MYO7B: variants seen among roughly 807,000 people sequenced by gnomAD.
The protein encoded by MYO7B is unconventional myosin-VIIb.
Under a neutral mutation model 259.7 loss-of-function variants are expected in MYO7B, and 212 were observed. The ratio of observed to expected loss-of-function variants is 0.82; its 90% CI spans 0.73 to 0.91. MYO7B has a LOEUF of 0.91. Ranked by LOEUF, MYO7B falls within the 40% of genes least tolerant of loss-of-function variation. The pLI is 0.00. For missense variants in MYO7B, 2,732 were observed against 2,813.5 expected (o/e 0.97, Z 0.66); for synonymous variants, 1,197 against 1,166.4 (o/e 1.03, Z -0.54).
chr2:127,568,241 G>A (rs1014129290), intron 5 of MYO7B, among the ~76,000 whole-genome samples: 1 of 152,236 alleles, frequency 6.6e-6, no homozygotes, highest in African/African-American at 2.4e-5. Context: ...GAGCTGGGCC[G>A]CAGGCTGGCT....
chr2:127,537,506 A>G (rs1391963333), intron 1 of MYO7B, among the ~76,000 whole-genome samples: 1 of 152,184 alleles, frequency 6.6e-6, no homozygotes, highest in Non-Finnish European at 1.5e-5. Flanking sequence ...GAAGAGCCAG[A>G]ATCTTAGCAC....
chr2:127,557,432 T>C (rs1476849298), intron 1 of MYO7B, among the ~76,000 whole-genome samples: 2 of 152,186 alleles, frequency 1.3e-5, no homozygotes, highest in Non-Finnish European at 2.9e-5. Flanking sequence ...TTTGGACCCA[T>C]TGCTGGTGAG....
In MYO7B at chr2:127,631,589, G is replaced by T; in HGVS notation, c.5096-11G>T. 2 of 1,612,524 alleles carry T rather than the reference G, an allele frequency of 1.2e-6. No homozygotes were observed. The highest frequency in any genetic ancestry group is 2.2e-5 in the South Asian group (2 of 91,022). ...GGGCTGCCCCAGCACTGTGCTCCTT[G>T]ACAGCCACACCCATCCTCCGGTACA... On this transcript the variant is annotated splice_polypyrimidine_tract_variant and intron_variant, in intron 37 of 47. Transcript: ENST00000409816.
intron 22 of MYO7B, 73 bp downstream of exon 22, chr2:127,608,951 C>A: frequency 6.6e-7 from 1 of 1,523,196 alleles, no homozygotes; most frequent in Non-Finnish European, 8.9e-7. Flanking sequence ...TGAACTCAGT[C>A]CACCTCTCGG....
At chr2:127,593,486 G>A in intron 17 of MYO7B, 60 bp from the exon 18 acceptor site, 1 of 1,515,812 alleles carries the variant, frequency 6.6e-7, no homozygotes, top group Non-Finnish European at 9.0e-7. Flanking sequence ...ACCACCCCCA[G>A]AGAGCCGCCG....
intron 31 of MYO7B, chr2:127,625,868 T>G: frequency 4.0e-6 from 1 of 249,350 alleles, no homozygotes; most frequent in Non-Finnish European, 7.6e-6. Flanking sequence ...GACCATACCA[T>G]GGCCTTGGGG....
chr2:127,558,924 A>G (rs898086563), intron 1 of MYO7B, among the ~76,000 whole-genome samples: 1 of 152,228 alleles, frequency 6.6e-6, no homozygotes, highest in Non-Finnish European at 1.5e-5. Flanking sequence ...ATGAAAGACT[A>G]CAAATTGGGT....
At position 127,628,070 on chromosome 2, in the gene MYO7B, A is replaced by G. The variant is rs747312211; in HGVS notation, c.4461-302A>G. On this transcript the variant is annotated intron_variant, in intron 33 of 47. Coordinates refer to ENST00000409816, the MANE Select transcript of MYO7B (RefSeq NM_001393586.1). This position sits in a 1 kb window ranked among gnomAD's most constrained non-coding sequence, Gnocchi z 4.8. ...AAGCACATGGCAGAGCCGGCAGCTC[A>G]TCTCAGCTCTGACCTTTGCAGTGTC... 1.7e-6 allele frequency: 1 copy of G among 580,586 alleles called. No individual in the cohort carries two copies. Among genetic ancestry groups the G allele is most frequent in the African/African-American group, 1.8e-5 (1 of 54,256 alleles). The allele number at this position is 580,586 out of a possible 1,614,324, so 36.0% of individuals were successfully genotyped here.
intron 11 of MYO7B, 128 bp downstream of exon 11, chr2:127,582,138 C>T (rs1035791982): frequency 6.7e-7 from 1 of 1,500,700 alleles, no homozygotes; most frequent in African/African-American, 1.4e-5. Context: ...AGTCACCTGC[C>T]TGGTGACCAT....
At position 127,578,161 on chromosome 2, in the gene MYO7B, A is replaced by G. The variant is rs1346584676; in HGVS notation, c.878A>G (p.Asn293Ser). The change falls in exon 9 of 48, where the codon AAC becomes AGC. Residue 293 changes from asparagine to serine, a missense_variant. Asn to Ser is a conservative substitution (Grantham distance 46). Coordinates refer to ENST00000409816, the MANE Select transcript of MYO7B (RefSeq NM_001393586.1). Reference protein sequence around the residue: ...MGNCTSCEGLNDAKDYAHIRS... With the variant: ...MGNCTSCEGLSDAKDYAHIRS... The stretch of plus-strand genomic sequence containing the variant: ...AACTGCACTTCCTGTGAGGGGCTCA[A>G]CGACGCCAAGGACTACGCCCACATC... 3.7e-6 allele frequency: 6 copies of G among 1,613,772 alleles called. No homozygotes were observed. The highest frequency in any genetic ancestry group is 5.1e-6 in the Non-Finnish European group (6 of 1,179,854).
rs764666469 is a variant in MYO7B, at chr2:127,636,169, CTGGG to C, written c.6007-38_6007-35del. 1.3e-6 allele frequency: 2 copies of C among 1,546,880 alleles called. No individual in the cohort carries two copies. Among genetic ancestry groups the C allele is most frequent in the South Asian group, 2.3e-5 (2 of 88,244 alleles). Reference sequence around the variant, plus strand: ...CCCCCACCAGGGCTTTGGAGGGCCTCTGGGCACCCAAGTCCTTACTGGCCCTCCT... The same window carrying C: ...CCCCCACCAGGGCTTTGGAGGGCCTCCACCCAAGTCCTTACTGGCCCTCCT... On this transcript the variant is annotated intron_variant, in intron 44 of 47. Transcript: ENST00000409816. The surrounding 1 kb of genome is among the most constrained non-coding windows in gnomAD (Gnocchi z 4.5).
In MYO7B at chr2:127,607,727, G is replaced by A. The variant is rs577301103; in HGVS notation, c.2643+303G>A. ...ATGGCTCTGCAATGGCTGGGGAGCC[G>A]TGGCCACCACCCAGGAGCACGCAGG... On this transcript the variant is annotated intron_variant, in intron 21 of 47. Transcript: ENST00000409816. The surrounding 1 kb of genome is among the most constrained non-coding windows in gnomAD (Gnocchi z 4.4). 3.2e-3 allele frequency among the ~76,000 whole-genome samples: 493 copies of A among 152,314 alleles called. 5 individuals are homozygous for A. Among genetic ancestry groups the A allele is most frequent in the African/African-American group, 0.011 (449 of 41,576 alleles).
At chr2:127,591,751 G>A (rs1029318811) in intron 16 of MYO7B, among the ~76,000 whole-genome samples, 3 of 152,200 alleles carry the variant, frequency 2.0e-5, no homozygotes, top group Non-Finnish European at 4.4e-5. Flanking sequence ...TGTAGGTGGA[G>A]AGGGGCTCTC....
At position 127,620,342 on chromosome 2, in the gene MYO7B, A is replaced by T; in HGVS notation, c.3401A>T (p.Asp1134Val). The change falls in exon 27 of 48, where the codon GAT (aspartate) becomes GTT (valine). Residue 1134 changes from aspartate to valine, a missense_variant and splice_region_variant. By Grantham distance (152) the Asp-to-Val change is radical. Coordinates refer to ENST00000409816, the MANE Select transcript of MYO7B (RefSeq NM_001393586.1). ...GYAILRPSLR[D>V]EIYCQICKQL... is the part of the protein sequence containing the mutation. ...TCCTAATGGTCTGTGTCTTTCAGGGATGAGATTTACTGCCAGATCTGCAAG... is the reference window on the plus strand; with the variant it reads ...TCCTAATGGTCTGTGTCTTTCAGGGTTGAGATTTACTGCCAGATCTGCAAG... 1 of 1,611,272 alleles carries T rather than the reference A, an allele frequency of 6.2e-7. No homozygotes were observed. The highest frequency in any genetic ancestry group is 8.5e-7 in the Non-Finnish European group (1 of 1,178,020).
At chr2:127,564,340 T>C (rs1202098306) in intron 3 of MYO7B, 74 bp downstream of exon 3, 1 of 1,236,976 alleles carries the variant, frequency 8.1e-7, no homozygotes, top group Non-Finnish European at 1.1e-6. Context: ...CCCCGCCCTG[T>C]GGAGCCTCTC....
chr2:127,566,186 C>G (rs890503495), intron 4 of MYO7B, among the ~76,000 whole-genome samples: 3 of 152,186 alleles, frequency 2.0e-5, no homozygotes, highest in Non-Finnish European at 2.9e-5. Flanking sequence ...CCCTGAGGGG[C>G]AGTGGGGCTG....
intron 1 of MYO7B, among the ~76,000 whole-genome samples, chr2:127,540,911 G>T (rs1360235409): frequency 2.0e-5 from 3 of 152,100 alleles, no homozygotes; most frequent in African/African-American, 7.2e-5. Flanking sequence ...TTTCTCAAGG[G>T]TTATCTCTGT....
In MYO7B at chr2:127,562,072, C is replaced by T. The variant is rs188818236; in HGVS notation, c.19-2081C>T. ...ATGCATCTCACTCTGGTGCCTCTTC[C>T]TTTTTTATAGACACCAGTCCTGTTG... On this transcript the variant is annotated intron_variant, in intron 2 of 47. Coordinates refer to ENST00000409816, the MANE Select transcript of MYO7B (RefSeq NM_001393586.1). 1.4e-3 allele frequency among the ~76,000 whole-genome samples: 213 copies of T among 152,016 alleles called. 3 individuals carry two copies. The East Asian group carries it at 0.035, about 25-fold the overall frequency.
At chr2:127,605,212 G>A (rs530338829) in intron 19 of MYO7B, among the ~76,000 whole-genome samples, 14 of 152,306 alleles carry the variant, frequency 9.2e-5, no homozygotes, top group Admixed American at 2.6e-4. Context: ...GAGGAGGGCC[G>A]TCTGCAATAA....
Sources: allele counts gnomAD v4.1 joint callset (sites outside exome capture counted in the v4.1 genomes callset), GRCh38; gene constraint gnomAD v4.1.1; non-coding constraint Gnocchi (gnomAD v3.1); transcripts MANE v1.5; gene names NCBI Gene and HGNC (gene_info 2026-07-23, HGNC 2026-07-21).